Variants in SYNE1 observed in about 807,000 individuals in gnomAD.
SYNE1 encodes spectrin repeat containing nuclear envelope protein 1.
A neutral mutation model predicts 1,111.0 loss-of-function variants in SYNE1; 616 were observed. The ratio of observed to expected loss-of-function variants is 0.55; its 90% CI spans 0.52 to 0.59. The LOEUF (loss-of-function observed/expected upper bound fraction) is 0.59, where lower values mean the gene tolerates loss of function less well. SYNE1 is among the 20% of genes least tolerant of loss of function. The pLI is 0.00. For missense variants in SYNE1, 10,006 were observed against 10,417.0 expected, an observed-to-expected ratio of 0.96 and a Z score of 1.72; for synonymous variants, 3,855 against 3,825.8, an observed-to-expected ratio of 1.01 and a Z score of -0.28.
rs1387575515 is a variant in SYNE1, at chr6:152,293,627, C to T, written c.17973G>A (p.Glu5991=). ...TCTGGCTTTCTGGACTCCTGCCAGGCTCTGGGCTCTCACTGAGTTTCAGCT... is the reference window on the plus strand; with the variant it reads ...TCTGGCTTTCTGGACTCCTGCCAGGTTCTGGGCTCTCACTGAGTTTCAGCT... ...AIELKLSESP[E]PGRSPESQMA... The change falls in exon 95 of 146, where the codon GAG becomes GAA. Residue 5991 remains glutamate (E), a synonymous_variant. Coordinates refer to ENST00000367255, the MANE Select transcript of SYNE1 (RefSeq NM_182961.4). 1 of 1,614,134 alleles carries T rather than the reference C, an allele frequency of 6.2e-7. No individual in the cohort carries two copies. Among genetic ancestry groups the T allele is most frequent in the East Asian group, 2.2e-5 (1 of 44,878 alleles).
At chr6:152,257,171 A>T (rs1277635374) in intron 101 of SYNE1, among the ~76,000 whole-genome samples, 1 of 152,212 alleles carries the variant, frequency 6.6e-6, no homozygotes, top group Non-Finnish European at 1.5e-5. Flanking sequence ...CTTGAACATT[A>T]CACACTGTAT....
Position 152,373,199 on chromosome 6 carries a change from T to C in SYNE1, c.9345A>G (p.Glu3115=). Residue 3115 remains glutamate (E), a synonymous_variant, in exon 59 of 146, where the codon GAA becomes GAG. Transcript: ENST00000367255. ...QKIQEFLSES[E]NGQHKLNMML... Reference sequence around the variant, plus strand: ...TCATGTTTAGCTTGTGCTGTCCATTTTCACTTTCTGACAAAAACTCCTATA... The same window carrying C: ...TCATGTTTAGCTTGTGCTGTCCATTCTCACTTTCTGACAAAAACTCCTATA... 2.5e-6 allele frequency: 4 copies of C among 1,612,752 alleles called. No homozygotes were observed.
At chr6:152,313,285 T>C (rs1287289329) in intron 87 of SYNE1, among the ~76,000 whole-genome samples, 1 of 152,172 alleles carries the variant, frequency 6.6e-6, no homozygotes, top group Non-Finnish European at 1.5e-5. Flanking sequence ...GGCCTGGGTA[T>C]CTTCAGTTAG....
rs945540285 is a variant in SYNE1 at position 152,278,253 on chromosome 6, C to T, written c.18409G>A (p.Val6137Met). 4 of 1,614,050 alleles carry T rather than the reference C, an allele frequency of 2.5e-6. No homozygotes were observed. Among genetic ancestry groups the T allele is most frequent in the Admixed American group, 1.7e-5 (1 of 60,000 alleles). Residue 6137 changes from valine to methionine, a missense_variant, in exon 98 of 146, where the codon GTG becomes ATG. Val to Met is a conservative substitution (Grantham distance 21). This residue lies in a region of SYNE1 where 99 missense variants were observed against 147.8 expected (regional missense o/e 0.67). Coordinates refer to ENST00000367255, the MANE Select transcript of SYNE1 (RefSeq NM_182961.4). ...QNMLVEIEQK[V>M]VALSELSVHN... is the part of the protein sequence containing the mutation. ...ACTGACAGTTCTGATAAAGCCACCA[C>T]CTTCTGCTCTATTTCCACCAGCATA...
At chr6:152,267,030 A>G (rs1178047121) in intron 100 of SYNE1, among the ~76,000 whole-genome samples, 2 of 152,134 alleles carry the variant, frequency 1.3e-5, no homozygotes, top group Non-Finnish European at 2.9e-5. Context: ...TCATACATTT[A>G]TTTTTTGATA....
chr6:152,235,679 C>T (rs2083855288), intron 110 of SYNE1, among the ~76,000 whole-genome samples: 1 of 152,150 alleles, frequency 6.6e-6, no homozygotes, highest in Admixed American at 6.5e-5. Flanking sequence ...TCTTTATTTT[C>T]CAAACTATAC....
chr6:152,266,322 C>T (rs994829987), intron 100 of SYNE1, among the ~76,000 whole-genome samples: 2 of 152,054 alleles, frequency 1.3e-5, no homozygotes, highest in African/African-American at 4.8e-5. Context: ...AGTGATGATA[C>T]ATACAGAGAG....
chr6:152,597,565 G>C (rs2099585558), intron 3 of SYNE1, among the ~76,000 whole-genome samples: 1 of 152,172 alleles, frequency 6.6e-6, no homozygotes, highest in African/African-American at 2.4e-5. Flanking sequence ...GCAAGTACAA[G>C]ATAAACGGCT....
At chr6:152,411,559 A>G (rs1343422334) in intron 42 of SYNE1, among the ~76,000 whole-genome samples, 1 of 152,220 alleles carries the variant, frequency 6.6e-6, no homozygotes, top group African/African-American at 2.4e-5. Context: ...GCCAACTTGA[A>G]TATTTAAAAA....
intron 8 of SYNE1, among the ~76,000 whole-genome samples, chr6:152,509,141 C>T (rs946687952): frequency 1.3e-5 from 2 of 151,992 alleles, no homozygotes; most frequent in Non-Finnish European, 2.9e-5. Context: ...AAGGACTTAC[C>T]CCTGATCACA....
chr6:152,231,993 T>C (rs2082884010), intron 113 of SYNE1, 123 bp downstream of exon 113: 1 of 712,906 alleles, frequency 1.4e-6, no homozygotes. Flanking sequence ...ATTGAATTCC[T>C]ATCTGGTCAC....
chr6:152,226,726 C>G (rs144016226), intron 115 of SYNE1, among the ~76,000 whole-genome samples: 1 of 152,138 alleles, frequency 6.6e-6, no homozygotes, highest in African/African-American at 2.4e-5. Flanking sequence ...TCCGACCTGT[C>G]TTGGGTAAAA....
At chr6:152,213,471 T>C in intron 123 of SYNE1, 141 bp downstream of exon 123, 1 of 965,738 alleles carries the variant, frequency 1.0e-6, no homozygotes, top group Non-Finnish European at 1.7e-6. Flanking sequence ...AACCTCAAGC[T>C]TAAGAAAGAA....
At chr6:152,407,576 G>A (rs2097918866) in intron 44 of SYNE1, among the ~76,000 whole-genome samples, 1 of 152,072 alleles carries the variant, frequency 6.6e-6, no homozygotes, top group South Asian at 2.1e-4. Context: ...TATTTCTAAT[G>A]CTGAGGTATA....
chr6:152,324,672 T>C (rs890461839), intron 81 of SYNE1, among the ~76,000 whole-genome samples: 10 of 151,834 alleles, frequency 6.6e-5, no homozygotes, highest in African/African-American at 2.4e-4. Context: ...CGGGCGCCTG[T>C]AGTCCCAGCT....
intron 22 of SYNE1, chr6:152,456,900 G>T: frequency 4.0e-6 from 1 of 251,408 alleles, no homozygotes; most frequent in South Asian, 3.9e-5. Context: ...TGTTTGTTTT[G>T]GGAAAAACAG....
At chr6:152,237,487 A>AT (rs941736803) in intron 108 of SYNE1, among the ~76,000 whole-genome samples, 1 of 150,678 alleles carries the variant, frequency 6.6e-6, no homozygotes, top group Non-Finnish European at 1.5e-5. Context: ...CTTAAAAAAA[A>AT]TTTTTTTGTA....
chr6:152,156,683 T>C (rs2061435778), intron 131 of SYNE1, among the ~76,000 whole-genome samples: 1 of 152,230 alleles, frequency 6.6e-6, no homozygotes, highest in Non-Finnish European at 1.5e-5. Flanking sequence ...AGTCTGTATG[T>C]ATTCAATACA....
At chr6:152,431,371 T>TC in intron 34 of SYNE1, among the ~76,000 whole-genome samples, 1 of 152,188 alleles carries the variant, frequency 6.6e-6, no homozygotes, top group East Asian at 1.9e-4. Context: ...TCCAGGGACC[T>TC]CATTGCTATG....
Sources: allele counts gnomAD v4.1 joint callset (sites outside exome capture counted in the v4.1 genomes callset), GRCh38; gene constraint gnomAD v4.1.1; regional missense constraint gnomAD v4.1.1; transcripts MANE v1.5; gene names NCBI Gene and HGNC (gene_info 2026-07-23, HGNC 2026-07-21).